The following IMMP2L variants were observed in gnomAD, a reference collection of about 807,000 sequenced individuals.
IMMP2L encodes the protein mitochondrial inner membrane protease subunit 2.
A neutral mutation model predicts 19.3 loss-of-function variants in IMMP2L; 18 were observed. That is an observed-to-expected ratio of 0.93 (90% CI 0.64 to 1.38). The LOEUF is 1.38. IMMP2L is among the 40% of genes most tolerant of loss of function. The probability of loss-of-function intolerance (pLI) is 0.00; values close to 1 mark genes in which losing one functional copy is unlikely to be tolerated. For synonymous variants in IMMP2L, 76 were observed against 73.0 expected, an observed-to-expected ratio of 1.04 and a Z score of -0.21; for missense variants, 233 against 218.2, an observed-to-expected ratio of 1.07 and a Z score of -0.43.
In IMMP2L at chr7:110,779,500, G is replaced by A. The variant is rs74759641; in HGVS notation, c.408+107093C>T. ...ACTGAGGTCTGGCAGGGGGAGAAAG[G>A]CATTTCTGACTCAGGGGAATTTTTG... On this transcript the variant is annotated intron_variant, in intron 5 of 5. Transcript: ENST00000405709. Among the ~76,000 whole-genome samples, 503 of 151,990 alleles carry A rather than the reference G, an allele frequency of 3.3e-3. 16 individuals are homozygous for A. In the East Asian group the frequency reaches 0.081, roughly 24 times the overall value.
At chr7:110,810,648 T>A (rs1801974292) in intron 5 of IMMP2L, among the ~76,000 whole-genome samples, 1 of 152,028 alleles carries the variant, frequency 6.6e-6, no homozygotes, top group Non-Finnish European at 1.5e-5. Flanking sequence ...AGAGTTCCGA[T>A]AATGGAACAC....
chr7:111,397,379 T>A (rs1252262963), intron 3 of IMMP2L, among the ~76,000 whole-genome samples: 1 of 152,172 alleles, frequency 6.6e-6, no homozygotes, highest in Non-Finnish European at 1.5e-5. Context: ...CCCACCACTA[T>A]TGGACAGTTA....
At position 111,291,916 on chromosome 7, in the gene IMMP2L, G is replaced by C. The variant is rs140762426; in HGVS notation, c.239+195322C>G. 6.4e-3 allele frequency among the ~76,000 whole-genome samples: 976 copies of C among 152,082 alleles called. 6 individuals are homozygous for C. The highest frequency in any genetic ancestry group is 0.01 in the Middle Eastern group (3 of 294). ...AATAAAACTAAAACAAAACAAAAAG[G>C]CTTTGCTAAAGGAATCTCCACAAGC... is the stretch of plus-strand genomic sequence containing the variant. On this transcript the variant is annotated intron_variant, in intron 3 of 5. Transcript: ENST00000405709.
intron 3 of IMMP2L, among the ~76,000 whole-genome samples, chr7:111,172,804 A>C (rs940286363): frequency 2.6e-5 from 4 of 151,576 alleles, no homozygotes; most frequent in African/African-American, 7.3e-5. Context: ...GCTCATGTGG[A>C]GTTTTATATG....
At chr7:111,474,193 A>G (rs184435087) in intron 3 of IMMP2L, among the ~76,000 whole-genome samples, 11 of 152,162 alleles carry the variant, frequency 7.2e-5, no homozygotes, top group African/African-American at 2.6e-4. Context: ...AAAAAGGGGG[A>G]AAAAGGTTGA....
chr7:110,775,359 T>G (rs1465285568), intron 5 of IMMP2L, among the ~76,000 whole-genome samples: 1 of 151,648 alleles, frequency 6.6e-6, no homozygotes, highest in East Asian at 1.9e-4. Context: ...GTAAGTTGAG[T>G]CAATTGCTAT....
chr7:110,732,041 C>T (rs1391724532), intron 5 of IMMP2L, among the ~76,000 whole-genome samples: 1 of 152,138 alleles, frequency 6.6e-6, no homozygotes, highest in Non-Finnish European at 1.5e-5. Context: ...AAGAGTTCTC[C>T]AGGCATAGTG....
chr7:111,350,450 C>G (rs1320146992), intron 3 of IMMP2L, among the ~76,000 whole-genome samples: 2 of 151,824 alleles, frequency 1.3e-5, no homozygotes, highest in African/African-American at 4.8e-5. Flanking sequence ...ACAGGGCCAT[C>G]TTAGTGTCCC....
At chr7:110,686,026 A>C (rs1453062130) in intron 5 of IMMP2L, among the ~76,000 whole-genome samples, 2 of 152,160 alleles carry the variant, frequency 1.3e-5, no homozygotes, top group South Asian at 2.1e-4. Context: ...ATAACACTGC[A>C]TTATAAATGT....
chr7:110,731,557 A>G (rs925014073), intron 5 of IMMP2L, among the ~76,000 whole-genome samples: 1 of 152,202 alleles, frequency 6.6e-6, no homozygotes, highest in Non-Finnish European at 1.5e-5. Context: ...GCTCACAAAG[A>G]CACACTATAC....
At chr7:111,456,486 C>A (rs1293892793) in intron 3 of IMMP2L, among the ~76,000 whole-genome samples, 1 of 152,098 alleles carries the variant, frequency 6.6e-6, no homozygotes. Flanking sequence ...AGGATCATCT[C>A]TCCAAGTTGT....
intron 3 of IMMP2L, among the ~76,000 whole-genome samples, chr7:111,343,346 C>G (rs1827215643): frequency 1.3e-5 from 2 of 152,032 alleles, no homozygotes; most frequent in African/African-American, 2.4e-5. Flanking sequence ...GAACTAAACT[C>G]TTCAACTACA....
In IMMP2L at chr7:111,281,172, A is replaced by G. The variant is rs183118225; in HGVS notation, c.239+206066T>C. 6.6e-3 allele frequency among the ~76,000 whole-genome samples: 265 copies of G among 40,018 alleles called. 11 individuals carry two copies. Among genetic ancestry groups the G allele is most frequent in the African/African-American group, 0.023 (247 of 10,738 alleles). The allele number at this position is 40,018 out of a possible 152,430, so 26.3% of individuals were successfully genotyped here. A position where few individuals can be genotyped will look rare whatever the true frequency, so the allele number is the denominator to read the frequency against. On this transcript the variant is annotated intron_variant, in intron 3 of 5. Coordinates refer to ENST00000405709, the MANE Select transcript of IMMP2L (RefSeq NM_032549.4). Reference sequence around the variant, plus strand: ...ACAGAAAGACAGAAAGAAAGAAAGAAAGAAAGAAAGAAAGAAAGAAAGAAA... The same window carrying G: ...ACAGAAAGACAGAAAGAAAGAAAGAGAGAAAGAAAGAAAGAAAGAAAGAAA...
chr7:111,088,366 T>A lies in IMMP2L; in HGVS notation c.240-124801A>T, dbSNP rs868644595. The stretch of plus-strand genomic sequence containing the variant: ...AACCCTGTAGACATTTCCTACAATG[T>A]AGGTAACATGTACAACCATGTAATA... On this transcript the variant is annotated intron_variant, in intron 3 of 5. Transcript: ENST00000405709. Among the ~76,000 whole-genome samples, 8 of 152,184 alleles carry A rather than the reference T, an allele frequency of 5.3e-5. No homozygotes were observed. The Middle Eastern group carries it at 0.014, about 259-fold the overall frequency.
intron 3 of IMMP2L, among the ~76,000 whole-genome samples, chr7:111,090,727 A>C (rs929460818): frequency 6.6e-6 from 1 of 152,292 alleles, no homozygotes. Flanking sequence ...TAAATAATGC[A>C]GTCATTGCTG....
At chr7:111,056,531 T>C (rs973917743) in intron 3 of IMMP2L, among the ~76,000 whole-genome samples, 15 of 152,204 alleles carry the variant, frequency 9.9e-5, no homozygotes, top group Admixed American at 4.6e-4. Context: ...TTCGTAATAA[T>C]TACAGGTGAC....
chr7:111,180,829 G>C (rs1012879333), intron 3 of IMMP2L, among the ~76,000 whole-genome samples: 1 of 151,920 alleles, frequency 6.6e-6, no homozygotes, highest in East Asian at 1.9e-4. Flanking sequence ...TTTATAAATT[G>C]AGAAAAAATT....
chr7:111,475,681 T>C (rs1193851810), intron 3 of IMMP2L, among the ~76,000 whole-genome samples: 1 of 151,972 alleles, frequency 6.6e-6, no homozygotes, highest in Admixed American at 6.6e-5. Context: ...CAGAATAAAT[T>C]ACAAGGAACA....
chr7:111,037,281 G>A (rs1791444581), intron 3 of IMMP2L, among the ~76,000 whole-genome samples: 1 of 152,050 alleles, frequency 6.6e-6, no homozygotes, highest in Non-Finnish European at 1.5e-5. Flanking sequence ...AGGTTTTCAA[G>A]GCAGCTGTAA....
Sources: allele counts gnomAD v4.1 joint callset (sites outside exome capture counted in the v4.1 genomes callset), GRCh38; gene constraint gnomAD v4.1.1; transcripts MANE v1.5; gene names NCBI Gene and HGNC (gene_info 2026-07-23, HGNC 2026-07-21).